The following SOS1 variants were observed in gnomAD, a reference collection of about 807,000 sequenced individuals.
SOS1 encodes the protein SOS Ras/Rac guanine nucleotide exchange factor 1, also known as son of sevenless homolog 1.
Under a neutral mutation model 157.6 loss-of-function variants are expected in SOS1, and 25 were observed. The observed-to-expected ratio is 0.16, with a 90% CI of 0.12 to 0.22. The LOEUF is 0.22. Ranked by LOEUF, SOS1 falls within the 10% of genes least tolerant of loss-of-function variation. The probability of loss-of-function intolerance (pLI) is 1.00; values close to 1 mark genes in which losing one functional copy is unlikely to be tolerated. For missense variants in SOS1, 1,237 were observed against 1,599.1 expected, an observed-to-expected ratio of 0.77 and a Z score of 3.86; for synonymous variants, 528 against 534.0, an observed-to-expected ratio of 0.99 and a Z score of 0.16.
At chr2:39,030,729 A>G (rs1670131678) in intron 8 of SOS1, among the ~76,000 whole-genome samples, 2 of 152,198 alleles carry the variant, frequency 1.3e-5, no homozygotes, top group African/African-American at 4.8e-5. Context: ...GATGTATTCA[A>G]GTCCTAACCC....
chr2:39,015,868 C>T (rs1669615447), intron 10 of SOS1, among the ~76,000 whole-genome samples: 1 of 124,992 alleles, frequency 8.0e-6, no homozygotes, highest in Admixed American at 8.8e-5. Context: ...TTATTGGGAG[C>T]ATTCTTTTCC....
In SOS1 at chr2:39,103,919, A is replaced by C. The variant is rs186039054; in HGVS notation, c.87+16417T>G. Among the ~76,000 whole-genome samples the C allele has an allele frequency of 6.6e-4, 100 of 152,364 alleles. 1 individual carries two copies. The highest frequency in any genetic ancestry group is 2.2e-3 in the African/African-American group (93 of 41,592). ...CAAATCATATATTGGATAAAGGTCT[A>C]ATATCAAGAATATATAATAAGGATC... On this transcript the variant is annotated intron_variant, in intron 1 of 22. Coordinates refer to ENST00000402219, the MANE Select transcript of SOS1 (RefSeq NM_005633.4).
At chr2:39,111,058 C>T (rs952626659) in intron 1 of SOS1, among the ~76,000 whole-genome samples, 73 of 152,300 alleles carry the variant, frequency 4.8e-4, no homozygotes, top group African/African-American at 1.7e-3. Context: ...CATGGCGAAA[C>T]CCTGTCTGTA....
rs566607571 is a variant in SOS1 at position 39,037,192 on chromosome 2, T to C, written c.865-1692A>G. ...ATATAACACCAGAAATTGGAGTCTA[T>C]TACGTTTTACAGAAATTGATAGTAA... On this transcript the variant is annotated intron_variant, in intron 6 of 22. Transcript: ENST00000402219. Among the ~76,000 whole-genome samples the C allele has an allele frequency of 4.5e-4, 69 of 152,344 alleles. No individual in the cohort carries two copies. The South Asian group carries it at 0.013, about 28-fold the overall frequency.
chr2:39,037,580 A>T (rs1284158374), intron 6 of SOS1, among the ~76,000 whole-genome samples: 2 of 151,260 alleles, frequency 1.3e-5, no homozygotes, highest in Non-Finnish European at 2.9e-5. Flanking sequence ...ACTTCACTTT[A>T]TGGTGCTTCA....
In SOS1 at chr2:39,110,721, C is replaced by T. The variant is rs114666898; in HGVS notation, c.87+9615G>A. ...CAAGTATAAAGCTTTTAAAAGACAA[C>T]ATTAGGAAAATATCGGCAAAGGGTT... is the stretch of plus-strand genomic sequence containing the variant. On this transcript the variant is annotated intron_variant, in intron 1 of 22. Transcript: ENST00000402219. 5.1e-3 allele frequency among the ~76,000 whole-genome samples: 780 copies of T among 152,236 alleles called. 13 individuals are homozygous for T. The highest frequency in any genetic ancestry group is 0.018 in the African/African-American group (745 of 41,544).
intron 22 of SOS1, 86 bp from the exon 23 acceptor site, chr2:38,986,401 C>A: frequency 8.0e-7 from 1 of 1,243,828 alleles, no homozygotes. Context: ...GGTTTTCAAA[C>A]ATGCTATTGG....
intron 1 of SOS1, among the ~76,000 whole-genome samples, chr2:39,114,707 G>T (rs1673581861): frequency 6.6e-6 from 1 of 150,964 alleles, no homozygotes; most frequent in Non-Finnish European, 1.5e-5. Flanking sequence ...CAGGATTCTT[G>T]TGTCTCAGCC....
At position 38,985,707 on chromosome 2, in the gene SOS1, A is replaced by G. The variant is rs571438143; in HGVS notation, c.*117T>C. 12 of 1,114,882 alleles carry G rather than the reference A, an allele frequency of 1.1e-5. No individual in the cohort carries two copies. Among genetic ancestry groups the G allele is most frequent in the Non-Finnish European group, 1.5e-5 (11 of 728,456 alleles). The allele number at this position is 1,114,882 out of a possible 1,614,324, so 69.1% of individuals were successfully genotyped here. On this transcript the variant is annotated 3_prime_UTR_variant, in exon 23 of 23. Coordinates refer to ENST00000402219, the MANE Select transcript of SOS1 (RefSeq NM_005633.4). ...CATTGTCTTATACTGCATCTTGAAGAAGAGTCGTTAGTGTTTGGAGTTCTC... is the reference window on the plus strand; with the variant it reads ...CATTGTCTTATACTGCATCTTGAAGGAGAGTCGTTAGTGTTTGGAGTTCTC...
chr2:39,007,221 G>C (rs1422207877), intron 15 of SOS1, 28 bp from the exon 16 acceptor site: 3 of 1,405,872 alleles, frequency 2.1e-6, no homozygotes, highest in South Asian at 2.3e-5. Flanking sequence ...GTGAACTAAA[G>C]GTTTTAGAGT....
At chr2:39,016,352 T>C (rs1669630408) in intron 10 of SOS1, among the ~76,000 whole-genome samples, 1 of 152,124 alleles carries the variant, frequency 6.6e-6, no homozygotes, top group Admixed American at 6.6e-5. Flanking sequence ...TTTAAATACA[T>C]ATAATCCTTT....
At chr2:39,020,419 AAT>A (rs1669762607) in intron 10 of SOS1, among the ~76,000 whole-genome samples, 2 of 151,732 alleles carry the variant, frequency 1.3e-5, no homozygotes. Flanking sequence ...TATTATATCC[AAT>A]GTCTTTTATT....
At position 39,043,826 on chromosome 2, in the gene SOS1, C is replaced by A. The variant is rs866124281; in HGVS notation, c.864+7318G>T. On this transcript the variant is annotated intron_variant, in intron 6 of 22. Coordinates refer to ENST00000402219, the MANE Select transcript of SOS1 (RefSeq NM_005633.4). ...ATCCTAATTACCTCCACAGGCCCCA[C>A]CTCCAATCAATATATACAGATTAAA... is the stretch of plus-strand genomic sequence containing the variant. 1.4e-4 allele frequency among the ~76,000 whole-genome samples: 21 copies of A among 152,184 alleles called. 1 individual carries two copies. Among genetic ancestry groups the A allele is most frequent in the Admixed American group, 2.0e-4 (3 of 15,274 alleles).
chr2:39,004,386 G>T (rs1388928194), intron 17 of SOS1, among the ~76,000 whole-genome samples: 1 of 113,640 alleles, frequency 8.8e-6, no homozygotes, highest in East Asian at 2.8e-4. Flanking sequence ...CAGCCTGGGT[G>T]ACAGAGCAAG....
intron 6 of SOS1, among the ~76,000 whole-genome samples, chr2:39,043,772 G>C (rs1011355074): frequency 2.0e-5 from 3 of 151,978 alleles, no homozygotes; most frequent in African/African-American, 7.2e-5. Flanking sequence ...CATCATGGGG[G>C]CCCCACCCCA....
rs114356077 is a variant in SOS1, at chr2:39,113,195, C to A, written c.87+7141G>T. 7.2e-3 allele frequency among the ~76,000 whole-genome samples: 1,099 copies of A among 152,086 alleles called. 11 individuals are homozygous for A. The highest frequency in any genetic ancestry group is 0.025 in the African/African-American group (1,057 of 41,480). ...AGGTAGCATCACTTAGTGTTTTATT[C>A]ATTAATGTATTTAGAGACACAGTCT... is the stretch of plus-strand genomic sequence containing the variant. On this transcript the variant is annotated intron_variant, in intron 1 of 22. Coordinates refer to ENST00000402219, the MANE Select transcript of SOS1 (RefSeq NM_005633.4).
At chr2:38,989,235 GC>G (rs1558456791) in intron 21 of SOS1, 34 bp downstream of exon 21, 4 of 1,474,548 alleles carry the variant, frequency 2.7e-6, no homozygotes, top group Non-Finnish European at 3.8e-6. Context: ...TAAAGCCAAA[GC>G]AAGAATTATG....
chr2:38,988,545 T>C lies in SOS1; in HGVS notation c.3391+725A>G, dbSNP rs143071517. ...TTATTTTGTCACATGTTATAAAATA[T>C]AGAACTTAAAAAGAGTACTTTGTGT... is the stretch of plus-strand genomic sequence containing the variant. On this transcript the variant is annotated intron_variant, in intron 21 of 22. Transcript: ENST00000402219. 3.0e-4 allele frequency among the ~76,000 whole-genome samples: 46 copies of C among 152,260 alleles called. No homozygotes were observed. The East Asian group carries it at 6.7e-3, about 22-fold the overall frequency.
Position 38,987,651 on chromosome 2 carries a change from T to C in SOS1, c.3392-60A>G, listed in dbSNP as rs963200444. On this transcript the variant is annotated intron_variant, in intron 21 of 22. Transcript: ENST00000402219. ...AGGAATTTTATTTCATTTATTTACC[T>C]TGAAAAGTCTTAGCTGGAAATTGCT... The C allele has an allele frequency of 7.2e-6, 6 of 838,552 alleles. No homozygotes were observed. The African/African-American group carries it at 8.3e-5, about 12-fold the overall frequency. The allele number at this position is 838,552 out of a possible 1,614,324, so 51.9% of individuals were successfully genotyped here.
Sources: gnomAD v4.1 joint callset for allele counts (sites outside exome capture counted in the v4.1 genomes callset) on GRCh38, gnomAD v4.1.1 for gene constraint, MANE v1.5 for transcripts, NCBI Gene and HGNC (gene_info 2026-07-23, HGNC 2026-07-21) for gene names.